GNAO1: variants seen among roughly 807,000 people sequenced by gnomAD.
GNAO1 encodes the protein G protein subunit alpha o1.
For missense variants in GNAO1, 166 were observed against 478.7 expected, an observed-to-expected ratio of 0.35 and a Z score of 6.10; for synonymous variants, 164 against 180.7, an observed-to-expected ratio of 0.91 and a Z score of 0.74.
chr16:56,336,842 C>T lies in GNAO1; in HGVS notation c.705C>T (p.Leu235=). The change falls in exon 6 of 9, where the codon CTC becomes CTT. Residue 235 remains leucine (L), a synonymous_variant. Coordinates refer to ENST00000262493, the MANE Select transcript of GNAO1 (RefSeq NM_020988.3). ...CGCTCAGCGGCTATGACCAGGTGCT[C>T]CACGAAGACGAAACCACGGTGAGTG... ...CVALSGYDQV[L]HEDETTNRMH... is the part of the protein sequence containing the mutation. 6.2e-7 allele frequency: 1 copy of T among 1,612,310 alleles called. No homozygotes were observed. Among genetic ancestry groups the T allele is most frequent in the African/African-American group, 1.3e-5 (1 of 75,064 alleles).
chr16:56,318,720 T>A (rs1436833534), intron 3 of GNAO1, among the ~76,000 whole-genome samples: 10 of 152,236 alleles, frequency 6.6e-5, no homozygotes. Flanking sequence ...CTATGATTAT[T>A]GTTATCAAGA....
chr16:56,251,640 T>G (rs1047269349), intron 2 of GNAO1, among the ~76,000 whole-genome samples: 1 of 152,216 alleles, frequency 6.6e-6, no homozygotes, highest in Non-Finnish European at 1.5e-5. Flanking sequence ...TGGCTTTGTT[T>G]CCTTACTCTC....
At chr16:56,336,573 T>C in intron 5 of GNAO1, 158 bp from the exon 6 acceptor site, 1 of 618,916 alleles carries the variant, frequency 1.6e-6, no homozygotes, top group Non-Finnish European at 2.8e-6. Context: ...CAGCTGTCTG[T>C]CATCACCTGG....
intron 2 of GNAO1, among the ~76,000 whole-genome samples, chr16:56,221,541 T>C (rs1164925766): frequency 1.4e-4 from 21 of 150,878 alleles, no homozygotes; most frequent in African/African-American, 4.9e-4. Flanking sequence ...TCCCAGCTAC[T>C]CAGGAGGCTG....
intron 2 of GNAO1, among the ~76,000 whole-genome samples, chr16:56,227,753 CCA>C (rs2036545771): frequency 6.7e-6 from 1 of 149,642 alleles, no homozygotes; most frequent in Admixed American, 6.6e-5. Context: ...TAAAGCAATC[CCA>C]CCTCTTTCCC....
intron 2 of GNAO1, among the ~76,000 whole-genome samples, chr16:56,258,238 T>G (rs2036870968): frequency 6.6e-6 from 1 of 152,150 alleles, no homozygotes; most frequent in African/African-American, 2.4e-5. Flanking sequence ...TGGGGTTCTG[T>G]TTTAGCTCCC....
At chr16:56,269,769 GC>G (rs1170671409) in intron 2 of GNAO1, among the ~76,000 whole-genome samples, 1 of 152,184 alleles carries the variant, frequency 6.6e-6, no homozygotes, top group Non-Finnish European at 1.5e-5. Context: ...ACAGCCTAGG[GC>G]CTCTGAGTTT....
chr16:56,201,034 C>T (rs181862450), intron 2 of GNAO1, among the ~76,000 whole-genome samples: 14 of 152,268 alleles, frequency 9.2e-5, no homozygotes, highest in African/African-American at 3.4e-4. Context: ...TTGTGGGTAG[C>T]ATACACACAG....
chr16:56,355,117 C>T (rs1317128523), intron 8 of GNAO1, 36 bp downstream of exon 8: 13 of 839,358 alleles, frequency 1.5e-5, no homozygotes, highest in East Asian at 7.6e-5. Context: ...AGCTTGCGTG[C>T]GCGCGCATAC....
At chr16:56,316,850 C>T (rs1380101076) in intron 3 of GNAO1, among the ~76,000 whole-genome samples, 3 of 152,158 alleles carry the variant, frequency 2.0e-5, no homozygotes, top group African/African-American at 4.8e-5. Context: ...TCTTAGGTCT[C>T]GCCCTGGCTC....
chr16:56,308,513 G>A (rs2037419597), intron 3 of GNAO1, among the ~76,000 whole-genome samples: 1 of 152,198 alleles, frequency 6.6e-6, no homozygotes, highest in Non-Finnish European at 1.5e-5. Context: ...ACATTGAGTT[G>A]AGTCTGAAAG....
At chr16:56,291,631 A>T (rs544550879) in intron 3 of GNAO1, among the ~76,000 whole-genome samples, 2 of 151,454 alleles carry the variant, frequency 1.3e-5, no homozygotes, top group African/African-American at 4.9e-5. Context: ...AGAGTTCCTC[A>T]CTCCCCCAGA....
intron 3 of GNAO1, among the ~76,000 whole-genome samples, chr16:56,327,430 G>A (rs2037646124): frequency 6.6e-6 from 1 of 152,172 alleles, no homozygotes; most frequent in Admixed American, 6.5e-5. Flanking sequence ...GGTGTGGGCA[G>A]AGGAGGGGTG....
intron 3 of GNAO1, among the ~76,000 whole-genome samples, chr16:56,318,639 A>G (rs2037538780): frequency 6.6e-6 from 1 of 152,210 alleles, no homozygotes; most frequent in African/African-American, 2.4e-5. Flanking sequence ...GGCCTAAAAG[A>G]TTAGAGATGG....
chr16:56,347,778 C>G, intron 6 of GNAO1: 1 of 902,940 alleles, frequency 1.1e-6, no homozygotes, highest in Non-Finnish European at 1.3e-6. Flanking sequence ...CCTCCCCTCC[C>G]TTTCCCTCCT....
intron 3 of GNAO1, among the ~76,000 whole-genome samples, chr16:56,292,568 C>T (rs1467503857): frequency 6.6e-6 from 1 of 152,040 alleles, no homozygotes; most frequent in Non-Finnish European, 1.5e-5. Flanking sequence ...CATTATGTTG[C>T]CCAGGCTGGT....
chr16:56,256,008 T>A (rs1355493592), intron 2 of GNAO1, among the ~76,000 whole-genome samples: 2 of 152,190 alleles, frequency 1.3e-5, no homozygotes, highest in Non-Finnish European at 2.9e-5. Context: ...AGTTTTCATT[T>A]GTCTCTTGGA....
chr16:56,337,662 T>TG (rs2037755908), intron 6 of GNAO1, among the ~76,000 whole-genome samples: 1 of 152,178 alleles, frequency 6.6e-6, no homozygotes, highest in African/African-American at 2.4e-5. Context: ...TACCTGCCTG[T>TG]GGGGGGCTGT....
At chr16:56,324,017 G>A (rs1376743885) in intron 3 of GNAO1, among the ~76,000 whole-genome samples, 1 of 152,188 alleles carries the variant, frequency 6.6e-6, no homozygotes, top group Non-Finnish European at 1.5e-5. Flanking sequence ...GAGAGAGCGG[G>A]AAGGGCGGGG....
Sources: allele counts gnomAD v4.1 joint callset (sites outside exome capture counted in the v4.1 genomes callset), GRCh38; gene constraint gnomAD v4.1.1; transcripts MANE v1.5; gene names NCBI Gene and HGNC (gene_info 2026-07-23, HGNC 2026-07-21).